TUNAR: variants seen among roughly 807,000 people sequenced by gnomAD.
TUNAR encodes transmembrane neural differentiation associated intracellular calcium regulator.
intron 2 of TUNAR, among the ~76,000 whole-genome samples, chr14:95,883,673 A>T (rs373756452): frequency 1.3e-5 from 2 of 152,178 alleles, no homozygotes; most frequent in East Asian, 3.9e-4. Flanking sequence ...CCAGGCTGGG[A>T]GGCAGGGGGC....
At chr14:95,884,432 C>G (rs928769686) in intron 2 of TUNAR, among the ~76,000 whole-genome samples, 16 of 152,204 alleles carry the variant, frequency 1.1e-4, no homozygotes, top group Non-Finnish European at 1.5e-5. Context: ...AGGTGGGGCA[C>G]AACCCTGTGA....
intron 2 of TUNAR, among the ~76,000 whole-genome samples, chr14:95,894,124 G>T (rs1205622064): frequency 2.0e-5 from 3 of 152,262 alleles, no homozygotes; most frequent in African/African-American, 7.2e-5. Flanking sequence ...ATCCAAGCTG[G>T]GTTAGCGTCT....
At chr14:95,887,750 C>G (rs1200132661) in intron 2 of TUNAR, among the ~76,000 whole-genome samples, 1 of 152,168 alleles carries the variant, frequency 6.6e-6, no homozygotes, top group Admixed American at 6.5e-5. Context: ...AAGAGGAGAG[C>G]AAAGCTATAA....
chr14:95,916,558 C>T (rs967804548), intron 2 of TUNAR, among the ~76,000 whole-genome samples: 1 of 152,172 alleles, frequency 6.6e-6, no homozygotes, highest in African/African-American at 2.4e-5. Flanking sequence ...CAGCATTTTG[C>T]TTATGCTGAC....
intron 2 of TUNAR, among the ~76,000 whole-genome samples, chr14:95,921,332 C>T (rs529216624): frequency 8.0e-4 from 122 of 152,292 alleles, no homozygotes; most frequent in African/African-American, 2.8e-3. Context: ...GCTCTAAAGG[C>T]ACAGCCCTCC....
chr14:95,907,864 A>T (rs1301305773), intron 2 of TUNAR, among the ~76,000 whole-genome samples: 1 of 152,024 alleles, frequency 6.6e-6, no homozygotes, highest in African/African-American at 2.4e-5. Context: ...GAGAGGATAG[A>T]TCCTCTCTGC....
At chr14:95,923,512 C>T (rs1371985251) in exon 3 of TUNAR, 3 of 152,176 alleles carry the variant, frequency 2.0e-5, no homozygotes, top group Admixed American at 1.3e-4. Context: ...ACATGTGTAT[C>T]TGTTCATGTC....
rs562837189 is a variant in TUNAR, at chr14:95,884,757, A to G, written c.12+7580A>G. Among the ~76,000 whole-genome samples, 11 of 152,330 alleles carry G rather than the reference A, an allele frequency of 7.2e-5. No individual in the cohort carries two copies. In the East Asian group the frequency reaches 2.1e-3, roughly 29 times the overall value. On this transcript the variant is annotated intron_variant, in intron 2 of 2. Coordinates refer to ENST00000678517, the Ensembl canonical transcript of TUNAR. ...TGTCTTCTTTCCACAAGTATTCACA[A>G]GACACCTGCTACGTCCAAACACTGC...
chr14:95,877,716 C>T (rs984931116), intron 2 of TUNAR, among the ~76,000 whole-genome samples: 1 of 152,212 alleles, frequency 6.6e-6, no homozygotes, highest in Non-Finnish European at 1.5e-5. Context: ...ATTTCTTCTA[C>T]TAACTGCTTC....
intron 2 of TUNAR, among the ~76,000 whole-genome samples, chr14:95,912,890 A>G (rs1014207107): frequency 6.6e-6 from 1 of 151,776 alleles, no homozygotes; most frequent in Non-Finnish European, 1.5e-5. Context: ...TCCCAGGTTG[A>G]CGCCATTCTC....
At chr14:95,887,591 C>T (rs891600433) in intron 2 of TUNAR, among the ~76,000 whole-genome samples, 20 of 152,194 alleles carry the variant, frequency 1.3e-4, no homozygotes, top group African/African-American at 4.6e-4. Flanking sequence ...TGCAAACTTT[C>T]CCAGGTTATT....
At chr14:95,893,915 T>C (rs1217100027) in intron 2 of TUNAR, among the ~76,000 whole-genome samples, 1 of 152,252 alleles carries the variant, frequency 6.6e-6, no homozygotes, top group Non-Finnish European at 1.5e-5. Flanking sequence ...GTTCAGTCAT[T>C]TGCAAATAGC....
intron 2 of TUNAR, among the ~76,000 whole-genome samples, chr14:95,920,720 G>C (rs557339428): frequency 6.6e-6 from 1 of 152,146 alleles, no homozygotes; most frequent in Non-Finnish European, 1.5e-5. Flanking sequence ...ATGTGCACAG[G>C]GGGAGGGCAT....
At chr14:95,886,011 G>A (rs1052578359) in intron 2 of TUNAR, among the ~76,000 whole-genome samples, 6 of 152,156 alleles carry the variant, frequency 3.9e-5, no homozygotes, top group African/African-American at 1.2e-4. Flanking sequence ...CAAGGTAGCC[G>A]CTGGCTTCAG....
intron 2 of TUNAR, among the ~76,000 whole-genome samples, chr14:95,907,252 A>G (rs1003763895): frequency 2.9e-4 from 44 of 152,312 alleles, no homozygotes; most frequent in African/African-American, 9.9e-4. Flanking sequence ...ATGAGGCTGC[A>G]GTGGATGAAC....
chr14:95,915,790 T>G (rs1314073416), intron 2 of TUNAR, among the ~76,000 whole-genome samples: 4 of 152,224 alleles, frequency 2.6e-5, no homozygotes, highest in Admixed American at 2.6e-4. Flanking sequence ...TTAAAAACTC[T>G]CAAGTGTGCT....
intron 2 of TUNAR, among the ~76,000 whole-genome samples, chr14:95,900,355 G>GCT (rs373787873): frequency 2.7e-4 from 41 of 152,296 alleles, no homozygotes; most frequent in African/African-American, 9.4e-4. Context: ...TGTGCTCGGG[G>GCT]GAACTGAGGC....
rs1889248012 is a variant in TUNAR, at chr14:95,895,488, T to C, written c.12+18311T>C. Among the ~76,000 whole-genome samples, 1 of 152,128 alleles carries C rather than the reference T, an allele frequency of 6.6e-6. No individual in the cohort carries two copies. The highest frequency in any genetic ancestry group is 2.4e-5 in the African/African-American group (1 of 41,416). The stretch of plus-strand genomic sequence containing the variant: ...GGAAAGGGAGCGGAGAGTTGTCAAA[T>C]GAGGCAAGCCAAAACCCAGGCAGTG... On this transcript the variant is annotated intron_variant, in intron 2 of 2. Coordinates refer to ENST00000678517, the Ensembl canonical transcript of TUNAR. This position sits in a 1 kb window ranked among gnomAD's most constrained non-coding sequence, Gnocchi z 4.5.
At chr14:95,877,909 T>C (rs1888917257) in intron 2 of TUNAR, among the ~76,000 whole-genome samples, 1 of 152,258 alleles carries the variant, frequency 6.6e-6, no homozygotes, top group Non-Finnish European at 1.5e-5. Context: ...AGGTGTTCTC[T>C]TTCCTGGGGT....
Sources: gnomAD v4.1 joint callset for allele counts (sites outside exome capture counted in the v4.1 genomes callset) on GRCh38, gnomAD v4.1.1 for gene constraint, Gnocchi (gnomAD v3.1) non-coding constraint, MANE v1.5 for transcripts, NCBI Gene and HGNC (gene_info 2026-07-23, HGNC 2026-07-21) for gene names.